Variants in MINK1 observed in about 807,000 individuals in gnomAD.
The protein encoded by MINK1 is misshapen like kinase 1.
MINK1 carries 46 observed loss-of-function variants against 178.4 expected under a neutral mutation model. The observed-to-expected ratio is 0.26, with a 90% confidence interval of 0.20 to 0.33. The LOEUF (loss-of-function observed/expected upper bound fraction) is 0.33. Among genes scored for constraint, MINK1 ranks in the 10% least tolerant of loss-of-function variants. MINK1 has a pLI of 1.00. For missense variants in MINK1, 1,366 were observed against 1,814.9 expected, an observed-to-expected ratio of 0.75 and a Z score of 4.49; for synonymous variants, 797 against 709.7, an observed-to-expected ratio of 1.12 and a Z score of -1.96.
chr17:4,893,740 T>G, intron 21 of MINK1, 143 bp downstream of exon 21: 1 of 1,238,928 alleles, frequency 8.1e-7, no homozygotes, highest in Admixed American at 3.0e-5. Context: ...TGCAGGTTCC[T>G]GTCTCTCTCC....
chr17:4,857,340 A>G (rs1045969325), intron 1 of MINK1: 5 of 163,420 alleles, frequency 3.1e-5, no homozygotes, highest in African/African-American at 1.2e-4. Flanking sequence ...CGAGATGGTG[A>G]AAACCAAAGC....
intron 15 of MINK1, 28 bp downstream of exon 15, chr17:4,891,152 TGAA>T: frequency 8.8e-6 from 13 of 1,482,112 alleles, no homozygotes; most frequent in Non-Finnish European, 1.2e-5. Context: ...CCTGTCTTAA[TGAA>T]GACACAGGGA....
chr17:4,891,503 A>G lies in MINK1; in HGVS notation c.1788A>G (p.Val596=). 1 of 1,610,652 alleles carries G rather than the reference A, an allele frequency of 6.2e-7. No homozygotes were observed. Among genetic ancestry groups the G allele is most frequent in the Non-Finnish European group, 8.5e-7 (1 of 1,178,170 alleles). The change falls in exon 16 of 32, where the codon GTA becomes GTG. Residue 596 remains valine (V), a synonymous_variant. Transcript: ENST00000355280. The part of the protein sequence containing the change: ...RVPLKPYAAP[V]PRSQSLQDQP... Reference sequence around the variant, plus strand: ...CACTGAAGCCATATGCAGCACCTGTACCCCGATCCCAGTCCCTGCAGGACC... The same window carrying G: ...CACTGAAGCCATATGCAGCACCTGTGCCCCGATCCCAGTCCCTGCAGGACC...
intron 1 of MINK1, among the ~76,000 whole-genome samples, chr17:4,867,661 A>ATGGTGGTCACAGCTACTTGGGAGGC (rs1915244284): frequency 6.6e-6 from 1 of 151,920 alleles, no homozygotes; most frequent in African/African-American, 2.4e-5. Context: ...TTAGCCAGGT[A>ATGGTGGTCACAGCTACTTGGGAGGC]TGGTGGTCAC....
rs376551842 is a variant in MINK1, at chr17:4,887,215, C to T, written c.1019+36C>T. 1.3e-5 allele frequency: 20 copies of T among 1,560,656 alleles called. No individual in the cohort carries two copies. Among genetic ancestry groups the T allele is most frequent in the Non-Finnish European group, 1.7e-5 (20 of 1,149,034 alleles). Reference sequence around the variant, plus strand: ...CAGGTGGAGTGGGGGTTGGGGCGGTCATCGCTGAGTGGGGGGACTACAGTG... The same window carrying T: ...CAGGTGGAGTGGGGGTTGGGGCGGTTATCGCTGAGTGGGGGGACTACAGTG... On this transcript the variant is annotated intron_variant, in intron 11 of 31. Transcript: ENST00000355280. The surrounding 1 kb of genome is among the most constrained non-coding windows in gnomAD (Gnocchi z 7.6).
rs759118132 is a variant in MINK1, at chr17:4,833,578, G to C, written c.-6G>C. The C allele has an allele frequency of 6.7e-7, 1 of 1,498,264 alleles. No homozygotes were observed. Among genetic ancestry groups the C allele is most frequent in the South Asian group, 1.2e-5 (1 of 80,494 alleles). 92.8% of individuals were successfully genotyped at this position (1,498,264 alleles called of 1,614,324 possible). A position where few individuals can be genotyped will look rare whatever the true frequency, so the allele number is the denominator to read the frequency against. Reference sequence around the variant, plus strand: ...CGGCCCCGGTGCCCCGTTCCCCACGGAGGCCATGGGCGACCCAGCCCCCGC... The same window carrying C: ...CGGCCCCGGTGCCCCGTTCCCCACGCAGGCCATGGGCGACCCAGCCCCCGC... On this transcript the variant is annotated 5_prime_UTR_variant, in exon 1 of 32. Transcript: ENST00000355280. This position sits in a 1 kb window ranked among gnomAD's most constrained non-coding sequence, Gnocchi z 4.8.
intron 1 of MINK1, among the ~76,000 whole-genome samples, chr17:4,860,335 C>T (rs577346892): frequency 6.6e-6 from 1 of 152,276 alleles, no homozygotes; most frequent in East Asian, 1.9e-4. Context: ...GAGGGACTGA[C>T]GGGGGTTTCA....
chr17:4,868,850 A>G, intron 1 of MINK1: 1 of 342,730 alleles, frequency 2.9e-6, no homozygotes, highest in Non-Finnish European at 6.0e-6. Context: ...CCCAGGCTCA[A>G]GCAGTCCTCC....
Position 4,891,457 on chromosome 17 carries a change from G to A in MINK1, c.1742G>A (p.Ser581Asn). Reference protein sequence around the residue: ...PVEPQEGPHKSLVAHRVPLKP... With the variant: ...PVEPQEGPHKNLVAHRVPLKP... ...ACCCTCCCTGGTCTCTCCCTGCAGA[G>A]CCTGGTGGCACACCGGGTCCCACTG... Residue 581 changes from serine (S) to asparagine (N), a missense_variant and splice_region_variant, in exon 16 of 32, where the codon AGC becomes AAC. Ser to Asn is a conservative substitution (Grantham distance 46). Coordinates refer to ENST00000355280, the MANE Select transcript of MINK1 (RefSeq NM_153827.5). 1 of 1,571,438 alleles carries A rather than the reference G, an allele frequency of 6.4e-7. No homozygotes were observed. The highest frequency in any genetic ancestry group is 8.7e-7 in the Non-Finnish European group (1 of 1,153,590).
chr17:4,877,603 T>C (rs990218242), intron 1 of MINK1, among the ~76,000 whole-genome samples: 3 of 152,096 alleles, frequency 2.0e-5, no homozygotes, highest in Non-Finnish European at 4.4e-5. Context: ...TTAACTTTTA[T>C]TGGGCACACG....
Position 4,894,964 on chromosome 17 carries a change from C to T in MINK1, c.2918-111C>T, listed in dbSNP as rs1372389681. 3.3e-6 allele frequency: 4 copies of T among 1,194,258 alleles called. No individual in the cohort carries two copies. The highest frequency in any genetic ancestry group is 4.7e-6 in the Non-Finnish European group (4 of 850,364). 74.0% of individuals were successfully genotyped at this position (1,194,258 alleles called of 1,614,324 possible). On this transcript the variant is annotated intron_variant, in intron 24 of 31. Coordinates refer to ENST00000355280, the MANE Select transcript of MINK1 (RefSeq NM_153827.5). The surrounding 1 kb of genome is among the most constrained non-coding windows in gnomAD (Gnocchi z 4.1). ...GCACCTCCTCTCCTCCTGTCTTTCT[C>T]CTCCTTTCTGCGTATTATGAGGTGC... is the stretch of plus-strand genomic sequence containing the variant.
intron 2 of MINK1, among the ~76,000 whole-genome samples, chr17:4,878,595 G>A (rs2302322): frequency 0.62 from 93,581 of 151,970 alleles, 30,626 homozygotes; most frequent in Non-Finnish European, 0.74. Context: ...AGCCAGTCCC[G>A]GACATGGTGG....
At chr17:4,869,073 G>A (rs1022959277) in intron 1 of MINK1, among the ~76,000 whole-genome samples, 2 of 151,762 alleles carry the variant, frequency 1.3e-5, no homozygotes, top group Admixed American at 6.6e-5. Context: ...ACAGGCGCCA[G>A]CCACCACGCC....
chr17:4,880,848 C>T lies in MINK1; in HGVS notation c.124-136C>T, dbSNP rs995732318. 35 of 778,020 alleles carry T rather than the reference C, an allele frequency of 4.5e-5. 1 individual carries two copies. Among genetic ancestry groups the T allele is most frequent in the Middle Eastern group, 4.0e-4 (1 of 2,472 alleles). The allele number at this position is 778,020 out of a possible 1,614,324, so 48.2% of individuals were successfully genotyped here. On this transcript the variant is annotated intron_variant, in intron 2 of 31. Transcript: ENST00000355280. The stretch of plus-strand genomic sequence containing the variant: ...CCGGGAGGTGGAGCAGGCAGTGAGC[C>T]GAGATCGCGCCACTGCACTCTAGTC...
At chr17:4,891,200 GCACACA>G (rs3081308) in intron 15 of MINK1, 76 bp downstream of exon 15, 378,261 of 1,003,068 alleles carry the variant, frequency 0.38, 66,173 homozygotes, top group Non-Finnish European at 0.44. Flanking sequence ...ACACACGCGC[GCACACA>G]CACACACACA....
chr17:4,889,493 G>T (rs1968552242), intron 12 of MINK1, among the ~76,000 whole-genome samples, 154 bp from the exon 13 acceptor site: 1 of 152,070 alleles, frequency 6.6e-6, no homozygotes, highest in East Asian at 1.9e-4. Context: ...CGGGCCCTTG[G>T]GTGGGGATGG....
intron 1 of MINK1, among the ~76,000 whole-genome samples, chr17:4,841,677 A>G (rs1402753535): frequency 6.6e-6 from 1 of 151,978 alleles, no homozygotes; most frequent in Non-Finnish European, 1.5e-5. Flanking sequence ...TGTGATCCAT[A>G]TTTCCTCTTG....
In MINK1 at chr17:4,896,359, T is replaced by TGCTG; in HGVS notation, c.3615+19_3615+22dup. On this transcript the variant is annotated intron_variant, in intron 29 of 31. Transcript: ENST00000355280. The surrounding 1 kb of genome is among the most constrained non-coding windows in gnomAD (Gnocchi z 4.6). ...CCTGTGCACGTGAGCTTGGCGGGGC[T>TGCTG]GCTGGGGGAGTGGGATGGCCCAGTC... The TGCTG allele has an allele frequency of 2.5e-6, 4 of 1,602,062 alleles. No homozygotes were observed. Among genetic ancestry groups the TGCTG allele is most frequent in the Non-Finnish European group, 3.4e-6 (4 of 1,173,068 alleles).
intron 1 of MINK1, among the ~76,000 whole-genome samples, chr17:4,865,088 A>G (rs1381362439): frequency 7.4e-6 from 1 of 135,766 alleles, no homozygotes; most frequent in African/African-American, 3.8e-5. Flanking sequence ...TTTTATTTTT[A>G]TCTTTACTTT....
Sources: allele counts gnomAD v4.1 joint callset (sites outside exome capture counted in the v4.1 genomes callset), GRCh38; gene constraint gnomAD v4.1.1; non-coding constraint Gnocchi (gnomAD v3.1); transcripts MANE v1.5; gene names NCBI Gene and HGNC (gene_info 2026-07-23, HGNC 2026-07-21).